LMNTD1: variants seen among roughly 807,000 people sequenced by gnomAD.
LMNTD1 encodes lamin tail domain-containing protein 1.
Under a neutral mutation model 50.9 loss-of-function variants are expected in LMNTD1, and 35 were observed. The observed-to-expected ratio is 0.69, with a 90% CI of 0.53 to 0.91. LMNTD1 has a LOEUF of 0.91. Among genes scored for constraint, LMNTD1 ranks in the 40% least tolerant of loss-of-function variants. The pLI is 0.00. For synonymous variants in LMNTD1, 153 were observed against 161.9 expected (o/e 0.94, Z 0.42); for missense variants, 470 against 475.5 (o/e 0.99, Z 0.11).
intron 1 of LMNTD1, among the ~76,000 whole-genome samples, chr12:25,628,408 A>G (rs901646609): frequency 6.6e-6 from 1 of 152,172 alleles, no homozygotes; most frequent in Admixed American, 6.5e-5. Flanking sequence ...TAGGTTTGTA[A>G]CAAATCTGAG....
intron 8 of LMNTD1, among the ~76,000 whole-genome samples, chr12:25,513,200 G>A (rs1252078304): frequency 6.6e-6 from 1 of 152,094 alleles, no homozygotes; most frequent in Non-Finnish European, 1.5e-5. Context: ...GATGCATCCC[G>A]ATTAAAAATA....
chr12:25,519,036 C>T, intron 7 of LMNTD1, 69 bp from the exon 8 acceptor site: 1 of 1,411,230 alleles, frequency 7.1e-7, no homozygotes. Context: ...GTTGAAGGCA[C>T]AATTAAAGGG....
chr12:25,639,668 T>C (rs922618859), intron 1 of LMNTD1, among the ~76,000 whole-genome samples: 1 of 152,214 alleles, frequency 6.6e-6, no homozygotes, highest in Non-Finnish European at 1.5e-5. Flanking sequence ...TTGTTTAGTA[T>C]GTGAACAAAT....
chr12:25,585,267 T>C (rs1472560365), intron 1 of LMNTD1, among the ~76,000 whole-genome samples: 1 of 152,212 alleles, frequency 6.6e-6, no homozygotes, highest in African/African-American at 2.4e-5. Flanking sequence ...CCTGGCAGCA[T>C]CCTTGGGTTC....
At chr12:25,572,697 A>G (rs1230061634) in intron 1 of LMNTD1, among the ~76,000 whole-genome samples, 1 of 152,096 alleles carries the variant, frequency 6.6e-6, no homozygotes, top group Non-Finnish European at 1.5e-5. Context: ...GACTTAGAAC[A>G]AAGACCTGAA....
intron 1 of LMNTD1, among the ~76,000 whole-genome samples, chr12:25,580,098 G>A (rs973813947): frequency 6.6e-6 from 1 of 152,178 alleles, no homozygotes; most frequent in South Asian, 2.1e-4. Context: ...ACTTCCCTAT[G>A]CCACCCAGGC....
chr12:25,562,357 T>C (rs1592021976), intron 1 of LMNTD1, among the ~76,000 whole-genome samples: 2 of 152,298 alleles, frequency 1.3e-5, no homozygotes, highest in South Asian at 4.1e-4. Context: ...TCAGCATTTG[T>C]TTGTCTGTAA....
chr12:25,603,322 T>C (rs1946019505), intron 1 of LMNTD1, among the ~76,000 whole-genome samples: 1 of 152,100 alleles, frequency 6.6e-6, no homozygotes, highest in Non-Finnish European at 1.5e-5. Context: ...GGGATCTCAC[T>C]GTGTTGCCCA....
chr12:25,563,487 C>T (rs1944421782), intron 1 of LMNTD1, among the ~76,000 whole-genome samples: 1 of 152,198 alleles, frequency 6.6e-6, no homozygotes, highest in Non-Finnish European at 1.5e-5. Flanking sequence ...GATGTTGCTG[C>T]CTGATCCTTC....
intron 1 of LMNTD1, among the ~76,000 whole-genome samples, chr12:25,592,295 G>A (rs1945724556): frequency 6.6e-6 from 1 of 152,194 alleles, no homozygotes; most frequent in Non-Finnish European, 1.5e-5. Flanking sequence ...GCTCCAGAAT[G>A]ACTGCAGGCA....
chr12:25,512,966 G>A (rs1234614241), intron 8 of LMNTD1, among the ~76,000 whole-genome samples: 3 of 152,062 alleles, frequency 2.0e-5, no homozygotes, highest in East Asian at 1.9e-4. Flanking sequence ...TGTGAACACC[G>A]AGGGGCAGGA....
At chr12:25,556,464 T>C (rs759141493), upstream of LMNTD1, among the ~76,000 whole-genome samples, 1 of 152,192 alleles carries the variant, frequency 6.6e-6, no homozygotes, top group Non-Finnish European at 1.5e-5. Context: ...TGTTTCTGCT[T>C]TACTCTTGTT....
At chr12:25,537,805 A>AAAGAAGTT (rs1329802561) in intron 4 of LMNTD1, among the ~76,000 whole-genome samples, 1 of 152,018 alleles carries the variant, frequency 6.6e-6, no homozygotes, top group Non-Finnish European at 1.5e-5. Flanking sequence ...AACCAAAGGC[A>AAAGAAGTT]AAGAAGTTGA....
At position 25,634,077 on chromosome 12, in the gene LMNTD1, C is replaced by T. The variant is rs116883975; in HGVS notation, c.58+14417G>A. Among the ~76,000 whole-genome samples, 560 of 152,120 alleles carry T rather than the reference C, an allele frequency of 3.7e-3. 5 individuals are homozygous for T. The East Asian group carries it at 0.041, about 11-fold the overall frequency. On this transcript the variant is annotated intron_variant, in intron 1 of 7. Coordinates refer to the LMNTD1 transcript ENST00000445693. ...ACCTTCATGCACATAAACTAGAACA[C>T]CCAGAAGAGAAGGATAAATTCTTGG...
At chr12:25,630,918 C>G (rs926677206) in intron 1 of LMNTD1, among the ~76,000 whole-genome samples, 1 of 152,112 alleles carries the variant, frequency 6.6e-6, no homozygotes, top group Non-Finnish European at 1.5e-5. Flanking sequence ...AGGCGGGTAG[C>G]CTGTCTCGCC....
At chr12:25,486,521 G>A (rs1938647389) in intron 9 of LMNTD1, among the ~76,000 whole-genome samples, 1 of 129,372 alleles carries the variant, frequency 7.7e-6, no homozygotes, top group East Asian at 3.2e-4. Context: ...AATTGCCCTG[G>A]CCAGAACTTC....
At chr12:25,648,004 T>C (rs1319562616) in intron 1 of LMNTD1, among the ~76,000 whole-genome samples, 2 of 152,212 alleles carry the variant, frequency 1.3e-5, no homozygotes, top group Non-Finnish European at 2.9e-5. Context: ...ATTACTATTA[T>C]TATTACCAAA....
At chr12:25,599,052 C>T (rs60216182) in intron 1 of LMNTD1, among the ~76,000 whole-genome samples, 1,863 of 151,960 alleles carry the variant, frequency 0.012, 56 homozygotes, top group African/African-American at 0.043. Context: ...AATATTTATG[C>T]GAAAGTCCTC....
intron 9 of LMNTD1, among the ~76,000 whole-genome samples, chr12:25,489,379 T>C (rs1224055095): frequency 6.6e-6 from 1 of 151,210 alleles, no homozygotes; most frequent in Non-Finnish European, 1.5e-5. Flanking sequence ...CGGGTGGGAG[T>C]GACCTGATTT....
Sources: gnomAD v4.1 joint callset for allele counts (sites outside exome capture counted in the v4.1 genomes callset) on GRCh38, gnomAD v4.1.1 for gene constraint, MANE v1.5 for transcripts, NCBI Gene and HGNC (gene_info 2026-07-23, HGNC 2026-07-21) for gene names.